Variants in TCF20 observed in about 807,000 individuals in gnomAD.
The protein encoded by TCF20 is SPRE-binding protein.
In TCF20, 3 loss-of-function variants were observed where a neutral mutation model predicts 148.6. The observed-to-expected ratio is 0.02, with a 90% CI of 0.01 to 0.05. The LOEUF (loss-of-function observed/expected upper bound fraction) is 0.05. Ranked by LOEUF, TCF20 falls within the 10% of genes least tolerant of loss-of-function variation. The pLI is 1.00. For missense variants in TCF20, 2,350 were observed against 2,429.3 expected, an observed-to-expected ratio of 0.97 and a Z score of 0.69; for synonymous variants, 1,049 against 909.5, an observed-to-expected ratio of 1.15 and a Z score of -2.76.
At chr22:42,218,847 G>A (rs1922059798) in intron 1 of TCF20, among the ~76,000 whole-genome samples, 1 of 151,278 alleles carries the variant, frequency 6.6e-6, no homozygotes, top group African/African-American at 2.4e-5. Context: ...CAGATTCCCT[G>A]TCCTGTATGA....
chr22:42,164,197 T>C (rs1935632616), intron 5 of TCF20, among the ~76,000 whole-genome samples: 3 of 148,350 alleles, frequency 2.0e-5, no homozygotes, highest in Admixed American at 6.9e-5. Context: ...TTCCCTGGGA[T>C]GCACTCATTT....
intron 1 of TCF20, among the ~76,000 whole-genome samples, chr22:42,318,596 C>T (rs949105571): frequency 2.0e-4 from 31 of 152,208 alleles, no homozygotes; most frequent in East Asian, 7.7e-4. Context: ...GTCAGGATGC[C>T]GCCCTCTGCC....
At chr22:42,255,134 T>A (rs1431696161) in intron 1 of TCF20, among the ~76,000 whole-genome samples, 1 of 152,078 alleles carries the variant, frequency 6.6e-6, no homozygotes, top group Non-Finnish European at 1.5e-5. Flanking sequence ...ATCTCCTAAC[T>A]TTTTTGTCAA....
intron 1 of TCF20, among the ~76,000 whole-genome samples, chr22:42,236,331 A>T (rs185804129): frequency 5.1e-4 from 78 of 152,348 alleles, no homozygotes; most frequent in Admixed American, 2.7e-3. Context: ...AATTTTTGTC[A>T]TTCTCGAGTT....
At position 42,309,077 on chromosome 22, in the gene TCF20, T is replaced by TGGCC. The variant is rs767253667; in HGVS notation, c.-37+34398_-37+34401dup. On this transcript the variant is annotated intron_variant, in intron 1 of 1. Coordinates refer to the TCF20 transcript ENST00000515426. ...CTGGCGGGGGAGGCTGAGAGAAGCATGGCCGGCCGGCCACAGAGAGGCTGG... is the reference window on the plus strand; with the variant it reads ...CTGGCGGGGGAGGCTGAGAGAAGCATGGCCGGCCGGCCGGCCACAGAGAGGCTGG... Among the ~76,000 whole-genome samples the TGGCC allele has an allele frequency of 4.6e-5, 7 of 151,938 alleles. No homozygotes were observed. The South Asian group carries it at 1.2e-3, about 27-fold the overall frequency.
rs775158351 is a variant in TCF20, at chr22:42,211,190, A to G, written c.4116T>C (p.Ser1372=). Reference sequence around the variant, plus strand: ...TAACCGTGTCTCCCCCAGCCTCCGCACTGTTCGAAGATGCGCTCCTCCTAA... The same window carrying G: ...TAACCGTGTCTCCCCCAGCCTCCGCGCTGTTCGAAGATGCGCTCCTCCTAA... ...PNIRRSASSN[S]AEAGGDTVTL... The change falls in exon 2 of 6, where the codon AGT becomes AGC. Residue 1372 remains serine, a synonymous_variant. Transcript: ENST00000677622. 7.4e-6 allele frequency: 12 copies of G among 1,614,160 alleles called. No individual in the cohort carries two copies. The Admixed American group carries it at 1.0e-4, about 13-fold the overall frequency.
chr22:42,331,759 G>A (rs1927979364), intron 1 of TCF20, among the ~76,000 whole-genome samples: 1 of 152,254 alleles, frequency 6.6e-6, no homozygotes, highest in South Asian at 2.1e-4. Context: ...TCACTACCCT[G>A]CGCAGCTGGG....
intron 2 of TCF20, among the ~76,000 whole-genome samples, chr22:42,200,420 C>T (rs142490944): frequency 0.012 from 1,782 of 152,084 alleles, 37 homozygotes; most frequent in African/African-American, 0.041. Flanking sequence ...GCAGGTGGAT[C>T]GCCTGAGGTC....
intron 3 of TCF20, among the ~76,000 whole-genome samples, chr22:42,174,204 G>C (rs1936302217): frequency 6.6e-6 from 1 of 152,024 alleles, no homozygotes; most frequent in South Asian, 2.1e-4. Flanking sequence ...GCCATACATG[G>C]CCACTTAAGT....
chr22:42,259,895 G>A (rs1418581448), intron 1 of TCF20, among the ~76,000 whole-genome samples: 1 of 152,174 alleles, frequency 6.6e-6, no homozygotes, highest in Non-Finnish European at 1.5e-5. Context: ...CAGGAGGATC[G>A]CTTGAAGCCA....
chr22:42,300,157 C>T (rs531332806), intron 1 of TCF20, among the ~76,000 whole-genome samples: 3 of 152,164 alleles, frequency 2.0e-5, no homozygotes, highest in East Asian at 1.9e-4. Flanking sequence ...TAGGGGAATG[C>T]GGTTTTATCT....
chr22:42,300,368 T>C (rs936100242), intron 1 of TCF20, among the ~76,000 whole-genome samples: 1 of 151,910 alleles, frequency 6.6e-6, no homozygotes, highest in African/African-American at 2.4e-5. Context: ...AAAACTTCCC[T>C]GTTTTAATTT....
At chr22:42,286,099 C>T (rs1321549852), upstream of TCF20, among the ~76,000 whole-genome samples, 1 of 152,208 alleles carries the variant, frequency 6.6e-6, no homozygotes, top group Non-Finnish European at 1.5e-5. Flanking sequence ...GAGCCTGCCT[C>T]ACCCTATGTG....
chr22:42,270,432 G>A lies in TCF20; in HGVS notation c.-130C>T, dbSNP rs1178105969. 6.8e-6 allele frequency among the ~76,000 whole-genome samples: 1 copy of A among 146,420 alleles called. No homozygotes were observed. Among genetic ancestry groups the A allele is most frequent in the Non-Finnish European group, 1.5e-5 (1 of 65,978 alleles). On this transcript the variant is annotated 5_prime_UTR_variant, in exon 1 of 6. Transcript: ENST00000677622. ...GCGGGCGGCGCTGCGCGGGGTGGGG[G>A]TGGGGGTGGCTCCGCCGCCTCCAGC...
intron 1 of TCF20, among the ~76,000 whole-genome samples, chr22:42,283,776 C>A (rs1926966606): frequency 6.6e-6 from 1 of 151,848 alleles, no homozygotes; most frequent in Non-Finnish European, 1.5e-5. Flanking sequence ...ACGCCTCGCA[C>A]GCCAGAGCAA....
intron 1 of TCF20, among the ~76,000 whole-genome samples, chr22:42,260,663 T>A (rs1431399388): frequency 2.0e-5 from 3 of 152,070 alleles, no homozygotes; most frequent in Non-Finnish European, 4.4e-5. Flanking sequence ...TTTTAAAAAA[T>A]TTTAGAGACA....
intron 1 of TCF20, among the ~76,000 whole-genome samples, chr22:42,230,347 T>C (rs1923289468): frequency 6.6e-6 from 1 of 152,230 alleles, no homozygotes; most frequent in African/African-American, 2.4e-5. Flanking sequence ...AGTGTAAACC[T>C]AATATACTGC....
At position 42,215,100 on chromosome 22, in the gene TCF20, A is replaced by T. The variant is rs1424462655; in HGVS notation, c.206T>A (p.Met69Lys). ...RRGAAAAAAA[M>K]ASETSGHQGY... Reference sequence around the variant, plus strand: ...TTGATGGCCAGAGGTCTCGCTAGCCATCGCTGCCGCAGCAGCTGCTGCTCC... The same window carrying T: ...TTGATGGCCAGAGGTCTCGCTAGCCTTCGCTGCCGCAGCAGCTGCTGCTCC... Residue 69 changes from methionine to lysine, a missense_variant, in exon 2 of 6, where the codon ATG becomes AAG. Physicochemically the swap from Met to Lys is moderately conservative, Grantham distance 95. Around this residue, in one of 7 missense-constraint regions of TCF20, gnomAD observed 1,641 missense variants for 1,662.6 expected, o/e 0.99. Coordinates refer to ENST00000677622, the MANE Select transcript of TCF20 (RefSeq NM_001378418.1). 6.2e-7 allele frequency: 1 copy of T among 1,614,122 alleles called. No individual in the cohort carries two copies. Among genetic ancestry groups the T allele is most frequent in the Admixed American group, 1.7e-5 (1 of 60,026 alleles).
At chr22:42,233,173 C>T (rs184783530) in intron 1 of TCF20, among the ~76,000 whole-genome samples, 2 of 152,246 alleles carry the variant, frequency 1.3e-5, no homozygotes, top group East Asian at 1.9e-4. Context: ...CCACCTGCCT[C>T]GGCCTCCCAA....
Sources: allele counts gnomAD v4.1 joint callset (sites outside exome capture counted in the v4.1 genomes callset), GRCh38; gene constraint gnomAD v4.1.1; regional missense constraint gnomAD v4.1.1; transcripts MANE v1.5; gene names NCBI Gene and HGNC (gene_info 2026-07-23, HGNC 2026-07-21).